Variants in DHODH observed in about 807,000 individuals in gnomAD.
DHODH encodes dihydroorotate dehydrogenase (quinone), mitochondrial.
DHODH carries 30 observed loss-of-function variants against 39.7 expected under a neutral mutation model. That is an observed-to-expected ratio of 0.76 (90% confidence interval 0.57 to 1.02). DHODH has a LOEUF of 1.02. Ranked by LOEUF, DHODH falls within the 50% of genes least tolerant of loss-of-function variation. DHODH has a pLI of 0.00. For synonymous variants in DHODH, 222 were observed against 213.8 expected (o/e 1.04, Z -0.34); for missense variants, 531 against 520.8 (o/e 1.02, Z -0.19).
At chr16:72,008,987 G>A (rs1167048382) in intron 1 of DHODH, 2 of 1,472,924 alleles carry the variant, frequency 1.4e-6, no homozygotes, top group Non-Finnish European at 9.0e-7. Flanking sequence ...TGTGCAGACA[G>A]CGCCTGCAGG....
In DHODH at chr16:72,017,011, T is replaced by C. The variant is rs1420545924; in HGVS notation, c.435-13T>C. On this transcript the variant is annotated splice_polypyrimidine_tract_variant and intron_variant, in intron 3 of 8. Coordinates refer to ENST00000219240, the MANE Select transcript of DHODH (RefSeq NM_001361.5). ...GTCTCACTCTGCCCCTCCCGTGTGCTTGTGCTCTGCAGGTATGGATTTAAC... is the reference window on the plus strand; with the variant it reads ...GTCTCACTCTGCCCCTCCCGTGTGCCTGTGCTCTGCAGGTATGGATTTAAC... 3 of 1,613,560 alleles carry C rather than the reference T, an allele frequency of 1.9e-6. No homozygotes were observed. Among genetic ancestry groups the C allele is most frequent in the Non-Finnish European group, 2.5e-6 (3 of 1,179,704 alleles).
intron 4 of DHODH, 104 bp from the exon 5 acceptor site, chr16:72,021,020 G>T (rs754281631): frequency 9.3e-5 from 114 of 1,222,486 alleles, no homozygotes; most frequent in Non-Finnish European, 1.2e-4. Flanking sequence ...GGTTTGGAGG[G>T]AAGGCCTGCG....
Position 72,021,185 on chromosome 16 carries a change from CT to C in DHODH, c.580del (p.Tyr194ThrfsTer17). On this transcript the variant is annotated frameshift_variant, in exon 5 of 9. Coordinates refer to ENST00000219240, the MANE Select transcript of DHODH (RefSeq NM_001361.5). LOFTEE classifies it high-confidence loss of function. The part of the protein sequence containing the change: ...NKTSVDAAED[Y>X]AEGVRVLGPL... The stretch of plus-strand genomic sequence containing the variant: ...AGACCTCAGTGGACGCCGCGGAGGA[CT>C]ACGCAGAAGGGGTGCGCGTACTGGG... 1 of 1,610,350 alleles carries C rather than the reference CT, an allele frequency of 6.2e-7. No homozygotes were observed. Among genetic ancestry groups the C allele is most frequent in the Non-Finnish European group, 8.5e-7 (1 of 1,178,452 alleles).
chr16:72,020,360 T>C (rs1254269608), intron 4 of DHODH: 1 of 74,154 alleles, frequency 1.3e-5, no homozygotes, highest in Non-Finnish European at 3.0e-5. Flanking sequence ...TATATGTGTA[T>C]ATATATATAT....
In DHODH at chr16:72,021,190, C is replaced by T. The variant is rs748193279; in HGVS notation, c.584C>T (p.Ala195Val). The T allele has an allele frequency of 8.7e-6, 14 of 1,610,552 alleles. No homozygotes were observed. The highest frequency in any genetic ancestry group is 3.4e-5 in the Admixed American group (2 of 59,554). The stretch of plus-strand genomic sequence containing the variant: ...TCAGTGGACGCCGCGGAGGACTACG[C>T]AGAAGGGGTGCGCGTACTGGGCCCC... ...KTSVDAAEDYAEGVRVLGPLA... is the reference protein window; with the variant it reads ...KTSVDAAEDYVEGVRVLGPLA... Residue 195 changes from alanine (A) to valine (V), a missense_variant, in exon 5 of 9, where the codon GCA (alanine) becomes GTA (valine). By Grantham distance (64) the Ala-to-Val change is moderately conservative. Transcript: ENST00000219240.
chr16:72,017,730 G>A (rs1388205757), intron 4 of DHODH, among the ~76,000 whole-genome samples: 1 of 148,566 alleles, frequency 6.7e-6, no homozygotes, highest in Non-Finnish European at 1.5e-5. Flanking sequence ...TGGGCAACAT[G>A]GTGAGATCCC....
At chr16:72,010,345 C>G (rs1384507635) in intron 1 of DHODH, among the ~76,000 whole-genome samples, 1 of 152,178 alleles carries the variant, frequency 6.6e-6, no homozygotes, top group Non-Finnish European at 1.5e-5. Flanking sequence ...GAGAGACCCC[C>G]ATCAACTCGT....
intron 1 of DHODH, 77 bp from the exon 2 acceptor site, chr16:72,011,973 G>GT: frequency 2.5e-6 from 3 of 1,194,660 alleles, no homozygotes; most frequent in Non-Finnish European, 3.7e-6. Flanking sequence ...TGCCCTCTGT[G>GT]TACCTGGGTG....
chr16:72,011,656 T>A (rs1371614454), intron 1 of DHODH, among the ~76,000 whole-genome samples: 3 of 152,210 alleles, frequency 2.0e-5, no homozygotes, highest in Non-Finnish European at 4.4e-5. Context: ...GTCAGAATGT[T>A]CAAAAGTCAC....
chr16:72,019,770 G>A (rs2041182450), intron 4 of DHODH, among the ~76,000 whole-genome samples: 1 of 152,184 alleles, frequency 6.6e-6, no homozygotes, highest in South Asian at 2.1e-4. Flanking sequence ...GTTATTATAT[G>A]AGGGAGAGTC....
intron 3 of DHODH, chr16:72,016,310 CAAAGAG>C (rs1306095386): frequency 6.5e-6 from 1 of 154,346 alleles, no homozygotes; most frequent in Non-Finnish European, 1.4e-5. Flanking sequence ...GTTTCACTGG[CAAAGAG>C]GAAGAGGAAG....
At chr16:72,018,296 C>G (rs2041165871) in intron 4 of DHODH, among the ~76,000 whole-genome samples, 1 of 152,146 alleles carries the variant, frequency 6.6e-6, no homozygotes, top group Non-Finnish European at 1.5e-5. Context: ...TCAGATAGTC[C>G]TGGTAGCAGG....
At position 72,027,408 on chromosome 16, in the gene DHODH, G is replaced by C. The variant is rs1444632598; in HGVS notation, c.*3209G>C. 1.3e-5 allele frequency: 2 copies of C among 152,228 alleles called. No homozygotes were observed. The highest frequency in any genetic ancestry group is 2.9e-5 in the Non-Finnish European group (2 of 68,096). The allele number at this position is 152,228 out of a possible 1,614,324, so 9.4% of individuals were successfully genotyped here. ...GGCCTCCCAAAGAGCTGAGATTACA[G>C]GTGTGAGCCACCGCACCCGGCCCAA... On this transcript the variant is annotated 3_prime_UTR_variant, in exon 9 of 9. Transcript: ENST00000219240.
intron 7 of DHODH, 45 bp from the exon 8 acceptor site, chr16:72,023,429 G>A (rs1467507833): frequency 3.7e-6 from 6 of 1,614,110 alleles, no homozygotes; most frequent in Non-Finnish European, 5.1e-6. Context: ...CTCTGGGGCT[G>A]AAGCCACATC....
rs535760946 is a variant in DHODH at position 72,011,033 on chromosome 16, A to G, written c.22-1017A>G. The stretch of plus-strand genomic sequence containing the variant: ...GAGCCACCAAGTCCAGCTATGTGCA[A>G]TTTTTAAAAGCCAGCATAATTAATA... On this transcript the variant is annotated intron_variant, in intron 1 of 8. Coordinates refer to ENST00000219240, the MANE Select transcript of DHODH (RefSeq NM_001361.5). 3.3e-5 allele frequency among the ~76,000 whole-genome samples: 5 copies of G among 152,274 alleles called. No homozygotes were observed. In the South Asian group the frequency reaches 1.0e-3, roughly 32 times the overall value.
intron 6 of DHODH, among the ~76,000 whole-genome samples, chr16:72,022,734 T>G (rs1160329959): frequency 2.0e-5 from 3 of 152,242 alleles, no homozygotes; most frequent in Admixed American, 6.5e-5. Flanking sequence ...CTTGGCTCCT[T>G]GGCCAGTCTT....
intron 3 of DHODH, 29 bp downstream of exon 3, chr16:72,014,701 G>A (rs750314421): frequency 3.1e-6 from 5 of 1,611,156 alleles, no homozygotes; most frequent in Non-Finnish European, 4.2e-6. Flanking sequence ...GTTAACGGGG[G>A]ATGCCCTCTT....
rs2041271299 is a variant in DHODH, at chr16:72,025,797, TGAAGGCAGC to T, written c.*1599_*1607del. The T allele has an allele frequency of 6.6e-6, 1 of 152,316 alleles. No individual in the cohort carries two copies. Among genetic ancestry groups the T allele is most frequent in the Non-Finnish European group, 1.5e-5 (1 of 68,114 alleles). The allele number at this position is 152,316 out of a possible 1,614,324, so 9.4% of individuals were successfully genotyped here. A position where few individuals can be genotyped will look rare whatever the true frequency, so the allele number is the denominator to read the frequency against. On this transcript the variant is annotated 3_prime_UTR_variant, in exon 9 of 9. Transcript: ENST00000219240. ...GTGAGGCCTGAAGACAGAGCTGCCC[TGAAGGCAGC>T]TCATGTCCACTGAACACTGACTGTG...
intron 2 of DHODH, chr16:72,013,815 G>A (rs974161062): frequency 6.5e-6 from 1 of 154,192 alleles, no homozygotes; most frequent in African/African-American, 2.4e-5. Context: ...TTCCTTCTTG[G>A]AGCATCTCTC....
Sources: allele counts gnomAD v4.1 joint callset (sites outside exome capture counted in the v4.1 genomes callset), GRCh38; gene constraint gnomAD v4.1.1; transcripts MANE v1.5; gene names NCBI Gene and HGNC (gene_info 2026-07-23, HGNC 2026-07-21).